The following TSPAN11 variants were observed in gnomAD, a reference collection of about 807,000 sequenced individuals.
The protein encoded by TSPAN11 is tetraspanin-11.
TSPAN11 carries 29 observed loss-of-function variants against 32.9 expected under a neutral mutation model. The ratio of observed to expected loss-of-function variants is 0.88; its 90% CI spans 0.66 to 1.20. TSPAN11 has a LOEUF of 1.20. Among genes scored for constraint, TSPAN11 ranks in the 50% most tolerant of loss-of-function variants. TSPAN11 has a pLI of 0.00. For missense variants in TSPAN11, 283 were observed against 329.1 expected (o/e 0.86, Z 1.08); for synonymous variants, 140 against 141.3 (o/e 0.99, Z 0.07).
intron 1 of TSPAN11, among the ~76,000 whole-genome samples, chr12:30,936,621 G>A (rs1938050706): frequency 6.6e-6 from 1 of 152,210 alleles, no homozygotes; most frequent in Non-Finnish European, 1.5e-5. Flanking sequence ...GGGTGGGAAA[G>A]TGATAAAGCT....
chr12:30,944,450 C>T (rs1938227525), intron 1 of TSPAN11, among the ~76,000 whole-genome samples: 1 of 152,140 alleles, frequency 6.6e-6, no homozygotes, highest in Admixed American at 6.6e-5. Flanking sequence ...TTTTAGATTT[C>T]ACATGTGAGT....
intron 3 of TSPAN11, among the ~76,000 whole-genome samples, chr12:30,969,394 C>T (rs943550471): frequency 2.6e-5 from 4 of 152,248 alleles, no homozygotes; most frequent in African/African-American, 9.6e-5. Context: ...CCCCACCATT[C>T]TATAGCCAGG....
At chr12:31,011,018 C>T in the TSPAN11 span, among the ~76,000 whole-genome samples, 1 of 152,174 alleles carries the variant, frequency 6.6e-6, no homozygotes, top group African/African-American at 2.4e-5. Context: ...AACAGATTGA[C>T]AACAGCAAAA....
At chr12:30,929,902 G>C (rs1188375962) in intron 1 of TSPAN11, among the ~76,000 whole-genome samples, 2 of 152,216 alleles carry the variant, frequency 1.3e-5, no homozygotes, top group Non-Finnish European at 2.9e-5. Context: ...TCCAGGTTTG[G>C]GGCTCAGAAT....
intron 3 of TSPAN11, among the ~76,000 whole-genome samples, chr12:30,970,998 C>T (rs1408453282): frequency 3.3e-5 from 5 of 152,212 alleles, no homozygotes; most frequent in Non-Finnish European, 5.9e-5. Context: ...ACCCTCCCTC[C>T]GGCTTCCTCT....
At chr12:30,954,238 G>C (rs573032499) in intron 2 of TSPAN11, 163 bp downstream of exon 2, 11 of 636,906 alleles carry the variant, frequency 1.7e-5, no homozygotes, top group African/African-American at 9.1e-5. Context: ...ATGTACATTT[G>C]CTACTGAGAA....
chr12:30,942,725 G>GT (rs1938190849), intron 1 of TSPAN11, among the ~76,000 whole-genome samples: 2 of 74,026 alleles, frequency 2.7e-5, no homozygotes, highest in African/African-American at 1.3e-4. Flanking sequence ...TGCAAATGAA[G>GT]TTAAAAAAAA....
At chr12:30,978,906 A>G in intron 4 of TSPAN11, 1 of 493,888 alleles carries the variant, frequency 2.0e-6, no homozygotes, top group Non-Finnish European at 3.6e-6. Flanking sequence ...CTCCCCTTCC[A>G]AGAATGGTCT....
chr12:31,014,831 T>G, the TSPAN11 span, among the ~76,000 whole-genome samples: 417 of 151,578 alleles, frequency 2.8e-3, 3 homozygotes, highest in African/African-American at 9.5e-3. Context: ...AATTAGAAAA[T>G]CCAGGCACAA....
At chr12:30,961,298 T>C (rs77084975) in intron 2 of TSPAN11, among the ~76,000 whole-genome samples, 2,001 of 152,000 alleles carry the variant, frequency 0.013, 40 homozygotes, top group East Asian at 0.079. Flanking sequence ...GAAGCTTGAC[T>C]TCTGGTACCA....
At position 30,992,067 on chromosome 12, in the gene TSPAN11, C is replaced by A; in HGVS notation, c.*152C>A. On this transcript the variant is annotated 3_prime_UTR_variant, in exon 8 of 8. Transcript: ENST00000546076. ...CTGCGAATCCACCGAGTGCCTGAGA[C>A]CATAGCTTCTGTGCCCACCCAGGCA... The A allele has an allele frequency of 1.5e-6, 1 of 674,418 alleles. No homozygotes were observed. The highest frequency in any genetic ancestry group is 2.3e-6 in the Non-Finnish European group (1 of 437,944). The allele number at this position is 674,418 out of a possible 1,614,324, so 41.8% of individuals were successfully genotyped here.
chr12:30,950,361 A>G (rs1938357996), intron 1 of TSPAN11, among the ~76,000 whole-genome samples: 1 of 152,230 alleles, frequency 6.6e-6, no homozygotes, highest in Non-Finnish European at 1.5e-5. Flanking sequence ...ATGCAGAATT[A>G]AACTTTGAAT....
intron 1 of TSPAN11, among the ~76,000 whole-genome samples, chr12:30,952,959 G>A (rs1938410773): frequency 6.6e-6 from 1 of 152,216 alleles, no homozygotes; most frequent in Admixed American, 6.5e-5. Flanking sequence ...TCGAGGAGAA[G>A]AGGAAACTAC....
At chr12:30,927,359 T>C (rs1200082643) in intron 1 of TSPAN11, among the ~76,000 whole-genome samples, 1 of 152,210 alleles carries the variant, frequency 6.6e-6, no homozygotes, top group Non-Finnish European at 1.5e-5. Context: ...GCATGTGCAG[T>C]TGGCCGGCTC....
At chr12:30,942,550 G>A (rs749223819) in intron 1 of TSPAN11, among the ~76,000 whole-genome samples, 1 of 152,162 alleles carries the variant, frequency 6.6e-6, no homozygotes, top group African/African-American at 2.4e-5. Context: ...AACATAGCAT[G>A]CATGTGGCAT....
chr12:30,954,511 G>T (rs1252479777), intron 2 of TSPAN11: 1 of 188,876 alleles, frequency 5.3e-6, no homozygotes, highest in African/African-American at 2.4e-5. Context: ...AGTCCTGGAG[G>T]CTCCAACTAC....
chr12:30,937,212 G>T (rs1167070312), intron 1 of TSPAN11, among the ~76,000 whole-genome samples: 1 of 152,194 alleles, frequency 6.6e-6, no homozygotes, highest in Non-Finnish European at 1.5e-5. Context: ...GTGGGGTGCA[G>T]GATGAATGGA....
intron 1 of TSPAN11, among the ~76,000 whole-genome samples, chr12:30,938,313 G>A (rs1395036638): frequency 6.6e-6 from 1 of 152,174 alleles, no homozygotes; most frequent in Non-Finnish European, 1.5e-5. Flanking sequence ...CAATGGACAT[G>A]AGCAGCCCAG....
intron 1 of TSPAN11, among the ~76,000 whole-genome samples, chr12:30,931,367 T>C (rs1439037026): frequency 1.3e-5 from 2 of 152,190 alleles, no homozygotes; most frequent in African/African-American, 4.8e-5. Flanking sequence ...AGAAGCAGAC[T>C]GGTGTTGTCT....
Sources: gnomAD v4.1 joint callset for allele counts (sites outside exome capture counted in the v4.1 genomes callset) on GRCh38, gnomAD v4.1.1 for gene constraint, MANE v1.5 for transcripts, NCBI Gene and HGNC (gene_info 2026-07-23, HGNC 2026-07-21) for gene names.